The following DLGAP2 variants were observed in gnomAD, a reference collection of about 807,000 sequenced individuals.
DLGAP2 encodes DLG associated protein 2.
In DLGAP2, 26 loss-of-function variants were observed where a neutral mutation model predicts 100.3. The ratio of observed to expected loss-of-function variants is 0.26; its 90% CI spans 0.19 to 0.36. The LOEUF is 0.36. Among genes scored for constraint, DLGAP2 ranks in the 10% least tolerant of loss-of-function variants. DLGAP2 has a pLI of 1.00. For missense variants in DLGAP2, 1,858 were observed against 1,453.2 expected (o/e 1.28, Z -4.53); for synonymous variants, 886 against 630.1 (o/e 1.41, Z -6.08).
chr8:804,689 T>C (rs997804887), intron 1 of DLGAP2, among the ~76,000 whole-genome samples: 1 of 152,370 alleles, frequency 6.6e-6, no homozygotes, highest in Non-Finnish European at 1.5e-5. Context: ...TTTTAAATAA[T>C]CTTTTCATTT....
chr8:1,165,062 C>G (rs1426318897), intron 2 of DLGAP2, among the ~76,000 whole-genome samples: 1 of 151,862 alleles, frequency 6.6e-6, no homozygotes, highest in Non-Finnish European at 1.5e-5. Context: ...AGATTCTCCT[C>G]CCTCTGGGCC....
intron 3 of DLGAP2, among the ~76,000 whole-genome samples, chr8:1,371,512 G>C (rs1283184775): frequency 6.6e-6 from 1 of 152,154 alleles, no homozygotes; most frequent in Non-Finnish European, 1.5e-5. Flanking sequence ...AATATGCTGT[G>C]GTGGTTTGTG....
At chr8:1,698,777 G>A (rs549130025) in intron 14 of DLGAP2, among the ~76,000 whole-genome samples, 1 of 151,814 alleles carries the variant, frequency 6.6e-6, no homozygotes, top group African/African-American at 2.4e-5. Flanking sequence ...CCATGTTTGG[G>A]ACAGGTCTGT....
intron 3 of DLGAP2, among the ~76,000 whole-genome samples, chr8:1,259,387 G>T (rs914005999): frequency 1.3e-5 from 2 of 152,168 alleles, no homozygotes; most frequent in Non-Finnish European, 2.9e-5. Context: ...GGCAAAGTAG[G>T]GCCCCTGAGT....
intron 3 of DLGAP2, among the ~76,000 whole-genome samples, chr8:1,283,938 A>G (rs558842652): frequency 3.3e-5 from 5 of 152,352 alleles, no homozygotes; most frequent in African/African-American, 1.2e-4. Flanking sequence ...TAGAGCGTCC[A>G]TCTGTAGCTA....
intron 3 of DLGAP2, among the ~76,000 whole-genome samples, chr8:1,488,560 G>A (rs1799289125): frequency 6.6e-6 from 1 of 152,144 alleles, no homozygotes; most frequent in Non-Finnish European, 1.5e-5. Flanking sequence ...AGCCCGAGGT[G>A]GGCTGCAGCT....
chr8:1,639,418 C>G (rs1229096310), intron 8 of DLGAP2, among the ~76,000 whole-genome samples: 1 of 152,108 alleles, frequency 6.6e-6, no homozygotes, highest in South Asian at 2.1e-4. Flanking sequence ...TGCTGCGAGG[C>G]CTGAATTGTG....
chr8:1,543,937 C>G (rs1285251439), intron 4 of DLGAP2, among the ~76,000 whole-genome samples: 2 of 151,788 alleles, frequency 1.3e-5, no homozygotes, highest in South Asian at 2.1e-4. Context: ...AAGTCTCACT[C>G]TGACACTTAG....
intron 1 of DLGAP2, among the ~76,000 whole-genome samples, chr8:895,331 AT>A (rs1188281747): frequency 6.6e-6 from 1 of 152,112 alleles, no homozygotes; most frequent in Non-Finnish European, 1.5e-5. Context: ...AAAATTATGG[AT>A]GTGTATAATG....
At chr8:766,070 G>A (rs1821207721) in intron 1 of DLGAP2, among the ~76,000 whole-genome samples, 2 of 152,162 alleles carry the variant, frequency 1.3e-5, no homozygotes, top group Admixed American at 6.5e-5. Flanking sequence ...GGGAGGCTGA[G>A]GCAGGAGAAT....
intron 2 of DLGAP2, among the ~76,000 whole-genome samples, chr8:965,896 AT>A (rs1799858836): frequency 2.0e-5 from 3 of 152,122 alleles, no homozygotes; most frequent in East Asian, 1.9e-4. Context: ...TCACCACCGC[AT>A]GTGGCTCCTG....
At chr8:971,000 A>G (rs1021917012) in intron 2 of DLGAP2, among the ~76,000 whole-genome samples, 2 of 152,230 alleles carry the variant, frequency 1.3e-5, no homozygotes, top group Non-Finnish European at 2.9e-5. Context: ...TAAACCTTAG[A>G]GTCTGCCCAT....
intron 2 of DLGAP2, among the ~76,000 whole-genome samples, chr8:1,039,721 C>A (rs1343000717): frequency 1.5e-5 from 2 of 129,062 alleles, no homozygotes; most frequent in Admixed American, 8.3e-5. Flanking sequence ...TTTCCGTGGT[C>A]AGCTTGGTTT....
At chr8:1,626,664 G>T (rs1797509597) in intron 6 of DLGAP2, 76 bp from the exon 7 acceptor site, 1 of 1,533,062 alleles carries the variant, frequency 6.5e-7, no homozygotes, top group African/African-American at 1.4e-5. Context: ...CTGGGTGTGG[G>T]TTGGATGGTC....
chr8:1,194,692 C>T (rs571830086), intron 2 of DLGAP2, among the ~76,000 whole-genome samples: 5 of 152,206 alleles, frequency 3.3e-5, no homozygotes, highest in African/African-American at 7.2e-5. Context: ...AGGGTCGTCC[C>T]GGAGCTGCTT....
intron 3 of DLGAP2, among the ~76,000 whole-genome samples, chr8:1,342,969 G>T (rs887664094): frequency 2.6e-5 from 4 of 152,218 alleles, no homozygotes; most frequent in Admixed American, 1.3e-4. Flanking sequence ...CTGGCACATG[G>T]TCGTGCATGG....
chr8:1,377,320 G>A (rs768575045), intron 3 of DLGAP2, among the ~76,000 whole-genome samples: 11 of 152,214 alleles, frequency 7.2e-5, no homozygotes, highest in South Asian at 2.1e-4. Context: ...CGAGGCGGGC[G>A]AATCACGAAG....
At chr8:1,647,781 G>T (rs1798076595) in intron 8 of DLGAP2, among the ~76,000 whole-genome samples, 1 of 152,142 alleles carries the variant, frequency 6.6e-6, no homozygotes, top group Admixed American at 6.5e-5. Context: ...TAGCCTGCCT[G>T]GCTTATGAAC....
intron 2 of DLGAP2, among the ~76,000 whole-genome samples, chr8:943,567 C>T (rs1212122000): frequency 1.3e-5 from 2 of 151,970 alleles, no homozygotes; most frequent in African/African-American, 4.8e-5. Flanking sequence ...ATGTGGCCAT[C>T]CCGCCACAAG....
Sources: gnomAD v4.1 joint callset for allele counts (sites outside exome capture counted in the v4.1 genomes callset) on GRCh38, gnomAD v4.1.1 for gene constraint, MANE v1.5 for transcripts, NCBI Gene and HGNC (gene_info 2026-07-23, HGNC 2026-07-21) for gene names.